STON2: variants seen among roughly 807,000 people sequenced by gnomAD.
The protein encoded by STON2 is stonin 2, also known as stonin-2.
STON2 carries 29 observed loss-of-function variants against 65.7 expected under a neutral mutation model. The observed-to-expected ratio is 0.44, with a 90% CI of 0.33 to 0.60. The LOEUF (loss-of-function observed/expected upper bound fraction) is 0.60. Ranked by LOEUF, STON2 falls within the 20% of genes least tolerant of loss-of-function variation. The probability of loss-of-function intolerance (pLI) is 0.03; values close to 1 mark genes in which losing one functional copy is unlikely to be tolerated. For synonymous variants in STON2, 404 were observed against 414.2 expected (o/e 0.98, Z 0.30); for missense variants, 1,054 against 1,118.1 (o/e 0.94, Z 0.82).
chr14:81,402,534 G>A (rs571835612), upstream of STON2, among the ~76,000 whole-genome samples: 19 of 152,124 alleles, frequency 1.2e-4, no homozygotes, highest in South Asian at 2.1e-4. Flanking sequence ...ACCCTAAGCC[G>A]GAAAGGAGGG....
At chr14:81,303,565 A>G (rs1020483654) in intron 5 of STON2, among the ~76,000 whole-genome samples, 2 of 152,156 alleles carry the variant, frequency 1.3e-5, no homozygotes, top group African/African-American at 2.4e-5. Context: ...TCATTCTTCC[A>G]ACAAAGCAAT....
chr14:81,375,721 T>C (rs572132805), intron 3 of STON2, among the ~76,000 whole-genome samples: 2 of 151,974 alleles, frequency 1.3e-5, no homozygotes, highest in East Asian at 3.9e-4. Context: ...ACTCAACCGG[T>C]GAAGAATGCA....
At chr14:81,268,789 T>A in intron 7 of STON2, 1 of 298,360 alleles carries the variant, frequency 3.4e-6, no homozygotes, top group Non-Finnish European at 5.0e-6. Flanking sequence ...ATTTTTGACT[T>A]ATTAAGTAGA....
chr14:81,273,940 C>G (rs1211381999), intron 6 of STON2, among the ~76,000 whole-genome samples: 1 of 152,208 alleles, frequency 6.6e-6, no homozygotes, highest in Non-Finnish European at 1.5e-5. Flanking sequence ...ATAACCTGTA[C>G]AAAGCACCTT....
At chr14:81,337,551 T>C (rs1373468817) in intron 4 of STON2, among the ~76,000 whole-genome samples, 3 of 152,102 alleles carry the variant, frequency 2.0e-5, no homozygotes, top group East Asian at 3.9e-4. Flanking sequence ...CATGAGGTGG[T>C]TGGGGAAGGC....
rs532175830 is a variant in STON2 at position 81,263,622 on chromosome 14, T to C, written c.*4792A>G. 6.0e-5 allele frequency: 31 copies of C among 515,676 alleles called. No homozygotes were observed. Among genetic ancestry groups the C allele is most frequent in the Non-Finnish European group, 7.2e-5 (29 of 401,226 alleles). 31.9% of individuals were successfully genotyped at this position (515,676 alleles called of 1,614,324 possible). On this transcript the variant is annotated 3_prime_UTR_variant, in exon 8 of 8. Coordinates refer to ENST00000614646, the MANE Select transcript of STON2 (RefSeq NM_001394390.1). ...AAGCTCATCAGCTGTTGTTACTGTA[T>C]TTTATGTGTGACCCAAGACAATTCT...
At chr14:81,283,526 C>T (rs1488182045) in intron 5 of STON2, among the ~76,000 whole-genome samples, 2 of 134,248 alleles carry the variant, frequency 1.5e-5, no homozygotes, top group Non-Finnish European at 3.1e-5. Flanking sequence ...TTTACAGATA[C>T]TGCATTTTTT....
chr14:81,366,595 A>G (rs7145313), intron 4 of STON2, among the ~76,000 whole-genome samples: 78,494 of 151,130 alleles, frequency 0.52, 21,174 homozygotes, highest in East Asian at 0.74. Flanking sequence ...AATGACAAAC[A>G]TCTCCCCAAG....
At chr14:81,306,167 C>CTCTCTCTA (rs760274489) in intron 5 of STON2, among the ~76,000 whole-genome samples, 57 of 132,338 alleles carry the variant, frequency 4.3e-4, no homozygotes, top group African/African-American at 1.0e-3. Flanking sequence ...CTCTCTCTCT[C>CTCTCTCTA]TATATATATA....
rs780043837 is a variant in STON2, at chr14:81,270,593, A to G, written c.2784+77T>C. 3.1e-6 allele frequency: 5 copies of G among 1,613,020 alleles called. No individual in the cohort carries two copies. The South Asian group carries it at 5.5e-5, about 18-fold the overall frequency. On this transcript the variant is annotated intron_variant, in intron 7 of 7. Transcript: ENST00000614646. ...CCAGGCGAACATAGTAAGCATGGCT[A>G]AAAGGAATAAGAGGGGGAGGGTAGT...
chr14:81,346,221 T>C (rs1270018611), intron 4 of STON2, among the ~76,000 whole-genome samples: 1 of 152,200 alleles, frequency 6.6e-6, no homozygotes, highest in East Asian at 1.9e-4. Flanking sequence ...AAAGGAGCTT[T>C]TTTTCCAGGA....
intron 1 of STON2, among the ~76,000 whole-genome samples, chr14:81,435,029 C>T (rs1163207717): frequency 6.6e-6 from 1 of 152,054 alleles, no homozygotes; most frequent in African/African-American, 2.4e-5. Context: ...AAGTATAAAA[C>T]TTTCAAATAC....
intron 3 of STON2, among the ~76,000 whole-genome samples, chr14:81,371,519 C>A (rs1378585547): frequency 6.6e-6 from 1 of 151,908 alleles, no homozygotes; most frequent in African/African-American, 2.4e-5. Context: ...CACGGTGAAA[C>A]CCCGTCTCTG....
chr14:81,413,907 G>A (rs1901294586), intron 2 of STON2, among the ~76,000 whole-genome samples: 1 of 140,240 alleles, frequency 7.1e-6, no homozygotes, highest in Non-Finnish European at 1.5e-5. Context: ...AACATTAAAA[G>A]CTTTCTTACT....
Position 81,262,505 on chromosome 14 carries a change from T to C in STON2, c.*5909A>G. On this transcript the variant is annotated 3_prime_UTR_variant, in exon 8 of 8. Coordinates refer to ENST00000614646, the MANE Select transcript of STON2 (RefSeq NM_001394390.1). ...AGAGATGGCTTCTAGTTCAAGTATT[T>C]TGAGGCTTGGTACCCAATGCTGATT... The C allele has an allele frequency of 1.0e-6, 1 of 985,390 alleles. No individual in the cohort carries two copies. Among genetic ancestry groups the C allele is most frequent in the Non-Finnish European group, 1.2e-6 (1 of 829,854 alleles). The allele number at this position is 985,390 out of a possible 1,614,324, so 61.0% of individuals were successfully genotyped here. A position where few individuals can be genotyped will look rare whatever the true frequency, so the allele number is the denominator to read the frequency against.
chr14:81,329,454 CAAAA>C lies in STON2; in HGVS notation c.572-5271_572-5268del, dbSNP rs56370265. 2.4e-3 allele frequency among the ~76,000 whole-genome samples: 284 copies of C among 118,470 alleles called. 1 individual carries two copies. The highest frequency in any genetic ancestry group is 7.5e-3 in the African/African-American group (247 of 32,930). 77.7% of individuals were successfully genotyped at this position (118,470 alleles called of 152,430 possible). ...TGGGCAACAGAGCTAGACTCTGTCT[CAAAA>C]AAAAAAAAAAAAAAGAGAGAGACAA... On this transcript the variant is annotated intron_variant, in intron 4 of 7. Transcript: ENST00000614646.
At chr14:81,283,204 T>A (rs1286942705) in intron 5 of STON2, among the ~76,000 whole-genome samples, 1 of 152,178 alleles carries the variant, frequency 6.6e-6, no homozygotes, top group East Asian at 1.9e-4. Flanking sequence ...TAGGCCGCAA[T>A]CTATTTCAAG....
At chr14:81,391,288 G>C (rs368569750) in intron 3 of STON2, among the ~76,000 whole-genome samples, 4 of 152,200 alleles carry the variant, frequency 2.6e-5, no homozygotes, top group African/African-American at 9.6e-5. Flanking sequence ...TGTTATTTCT[G>C]CATAATGCCT....
At chr14:81,317,393 T>A (rs1254298762) in intron 5 of STON2, among the ~76,000 whole-genome samples, 1 of 152,350 alleles carries the variant, frequency 6.6e-6, no homozygotes, top group Non-Finnish European at 1.5e-5. Context: ...ACTAGCCACA[T>A]ATATTGAAAG....
Sources: allele counts gnomAD v4.1 joint callset (sites outside exome capture counted in the v4.1 genomes callset), GRCh38; gene constraint gnomAD v4.1.1; transcripts MANE v1.5; gene names NCBI Gene and HGNC (gene_info 2026-07-23, HGNC 2026-07-21).